AUTS2: variants seen among roughly 807,000 people sequenced by gnomAD.
The protein encoded by AUTS2 is activator of transcription and developmental regulator AUTS2.
In AUTS2, 17 loss-of-function variants were observed where a neutral mutation model predicts 112.4. That is an observed-to-expected ratio of 0.15 (90% CI 0.10 to 0.23). The LOEUF (loss-of-function observed/expected upper bound fraction) is 0.23. AUTS2 is among the 10% of genes least tolerant of loss of function. The probability of loss-of-function intolerance (pLI) is 1.00; values close to 1 mark genes in which losing one functional copy is unlikely to be tolerated. For synonymous variants in AUTS2, 751 were observed against 702.7 expected (o/e 1.07, Z -1.09); for missense variants, 1,510 against 1,701.6 (o/e 0.89, Z 1.98).
intron 4 of AUTS2, among the ~76,000 whole-genome samples, chr7:70,327,782 G>A (rs140535592): frequency 4.3e-4 from 65 of 152,182 alleles, no homozygotes; most frequent in African/African-American, 1.5e-3. Flanking sequence ...TTTGTAATAT[G>A]TTGTCAACTG....
intron 4 of AUTS2, among the ~76,000 whole-genome samples, chr7:70,332,532 T>C (rs762970385): frequency 6.6e-6 from 1 of 152,180 alleles, no homozygotes; most frequent in Non-Finnish European, 1.5e-5. Context: ...AGAACAAAGC[T>C]GGAGGCGTCA....
chr7:70,429,322 G>C (rs925350869), intron 4 of AUTS2, among the ~76,000 whole-genome samples: 1 of 152,220 alleles, frequency 6.6e-6, no homozygotes, highest in Admixed American at 6.5e-5. Context: ...TCATTCTCTG[G>C]TTGGAAAGAC....
chr7:70,400,419 C>T (rs552559045), intron 4 of AUTS2, among the ~76,000 whole-genome samples: 1 of 152,268 alleles, frequency 6.6e-6, no homozygotes, highest in African/African-American at 2.4e-5. Flanking sequence ...AGTTCCCTAG[C>T]TCTAGCCTGT....
chr7:70,168,884 C>T (rs1295102042), intron 4 of AUTS2, among the ~76,000 whole-genome samples: 2 of 151,992 alleles, frequency 1.3e-5, no homozygotes, highest in Non-Finnish European at 2.9e-5. Context: ...AATATTTTTG[C>T]CCTAAATATT....
At chr7:70,745,031 T>C (rs1184759312) in intron 6 of AUTS2, among the ~76,000 whole-genome samples, 2 of 111,082 alleles carry the variant, frequency 1.8e-5, no homozygotes. Flanking sequence ...TATTAATAAT[T>C]AGCAATTTTT....
At chr7:70,567,790 A>T (rs556137417) in intron 5 of AUTS2, among the ~76,000 whole-genome samples, 1 of 152,214 alleles carries the variant, frequency 6.6e-6, no homozygotes, top group African/African-American at 2.4e-5. Context: ...TGGGAACTGC[A>T]CTAAGGGCGC....
At chr7:69,760,459 T>C (rs1456976307) in intron 1 of AUTS2, among the ~76,000 whole-genome samples, 2 of 152,108 alleles carry the variant, frequency 1.3e-5, no homozygotes, top group African/African-American at 4.8e-5. Flanking sequence ...AGATCACTTC[T>C]TTCTAGAGAG....
chr7:70,491,179 T>C (rs1798213050), intron 5 of AUTS2, among the ~76,000 whole-genome samples: 2 of 152,162 alleles, frequency 1.3e-5, no homozygotes, highest in African/African-American at 2.4e-5. Flanking sequence ...TCATTGTTGC[T>C]CTTTGTGCAA....
In AUTS2 at chr7:69,833,730, C is replaced by T. The variant is rs146413469; in HGVS notation, c.310-65556C>T. Among the ~76,000 whole-genome samples the T allele has an allele frequency of 3.0e-3, 457 of 152,224 alleles. 5 individuals carry two copies. The highest frequency in any genetic ancestry group is 0.011 in the African/African-American group (442 of 41,552). On this transcript the variant is annotated intron_variant, in intron 1 of 18. Coordinates refer to ENST00000342771, the MANE Select transcript of AUTS2 (RefSeq NM_015570.4). The stretch of plus-strand genomic sequence containing the variant: ...GATTACAGGTGTAAGCCACTGCGCC[C>T]GGCAATTATCCTGATATTTGATCCT...
At chr7:70,210,896 C>T (rs755660401) in intron 4 of AUTS2, among the ~76,000 whole-genome samples, 3 of 152,168 alleles carry the variant, frequency 2.0e-5, no homozygotes, top group Non-Finnish European at 4.4e-5. Flanking sequence ...CTAAACCTGT[C>T]TCTTGGGGTT....
intron 6 of AUTS2, among the ~76,000 whole-genome samples, chr7:70,747,713 T>G (rs1055395475): frequency 2.6e-5 from 4 of 152,032 alleles, no homozygotes; most frequent in Non-Finnish European, 5.9e-5. Flanking sequence ...CTTGAACTCT[T>G]GACCTCAGGT....
intron 5 of AUTS2, among the ~76,000 whole-genome samples, chr7:70,582,949 C>G (rs1351834052): frequency 6.6e-6 from 1 of 152,204 alleles, no homozygotes; most frequent in Admixed American, 6.5e-5. Context: ...GCTTTTCCCC[C>G]CAAACTTCTT....
chr7:69,607,778 T>G (rs1792811747), intron 1 of AUTS2, among the ~76,000 whole-genome samples: 1 of 152,154 alleles, frequency 6.6e-6, no homozygotes, highest in African/African-American at 2.4e-5. Context: ...AGCCCACAGT[T>G]TGTAAGTAAT....
intron 1 of AUTS2, among the ~76,000 whole-genome samples, chr7:69,855,239 A>T (rs1373179313): frequency 1.3e-5 from 2 of 152,234 alleles, no homozygotes; most frequent in African/African-American, 4.8e-5. Flanking sequence ...AAAGCAAATC[A>T]GAGGTTATAG....
intron 2 of AUTS2, among the ~76,000 whole-genome samples, chr7:70,036,840 T>C (rs1002718299): frequency 6.6e-6 from 1 of 151,992 alleles, no homozygotes; most frequent in Non-Finnish European, 1.5e-5. Flanking sequence ...CTACCAAGAG[T>C]GTTCATTGTA....
chr7:70,646,802 G>A (rs1806193282), intron 5 of AUTS2, among the ~76,000 whole-genome samples: 1 of 152,238 alleles, frequency 6.6e-6, no homozygotes, highest in Admixed American at 6.5e-5. Flanking sequence ...GCTCAGGGCA[G>A]CAGGGCTGGC....
At chr7:70,440,393 G>C (rs991003689) in intron 5 of AUTS2, among the ~76,000 whole-genome samples, 1 of 152,100 alleles carries the variant, frequency 6.6e-6, no homozygotes, top group African/African-American at 2.4e-5. Context: ...CAGCCTGAGT[G>C]ACAGAGTGAG....
chr7:69,666,918 C>T (rs145341151), intron 1 of AUTS2, among the ~76,000 whole-genome samples: 58 of 152,168 alleles, frequency 3.8e-4, no homozygotes, highest in Middle Eastern at 3.4e-3. Context: ...CAAAACAAAA[C>T]AAAATACAGT....
chr7:70,454,960 A>G (rs1021238407), intron 5 of AUTS2, among the ~76,000 whole-genome samples: 5 of 152,188 alleles, frequency 3.3e-5, no homozygotes, highest in Non-Finnish European at 5.9e-5. Flanking sequence ...AGTAGGGCCC[A>G]CTGCTGCTTC....
Sources: gnomAD v4.1 joint callset for allele counts (sites outside exome capture counted in the v4.1 genomes callset) on GRCh38, gnomAD v4.1.1 for gene constraint, MANE v1.5 for transcripts, NCBI Gene and HGNC (gene_info 2026-07-23, HGNC 2026-07-21) for gene names.